TRPV5: variants seen among roughly 807,000 people sequenced by gnomAD.
The protein encoded by TRPV5 is transient receptor potential cation channel subfamily V member 5.
In TRPV5, 66 loss-of-function variants were observed where a neutral mutation model predicts 74.1. The ratio of observed to expected loss-of-function variants is 0.89; its 90% CI spans 0.73 to 1.09. TRPV5 has a LOEUF of 1.09. Among genes scored for constraint, TRPV5 ranks in the 50% least tolerant of loss-of-function variants. The probability of loss-of-function intolerance (pLI) is 0.00; values close to 1 mark genes in which losing one functional copy is unlikely to be tolerated. For missense variants in TRPV5, 936 were observed against 930.4 expected (o/e 1.01, Z -0.08); for synonymous variants, 399 against 360.7 (o/e 1.11, Z -1.20).
chr7:142,922,753 A>T (rs1795906370), intron 8 of TRPV5, among the ~76,000 whole-genome samples: 1 of 152,220 alleles, frequency 6.6e-6, no homozygotes, highest in Non-Finnish European at 1.5e-5. Context: ...TGGAAACCTA[A>T]GAGAACTAGT....
intron 2 of TRPV5, 32 bp downstream of exon 2, chr7:142,930,317 C>T: frequency 1.9e-6 from 3 of 1,610,340 alleles, no homozygotes; most frequent in Middle Eastern, 3.3e-4. Context: ...TTCTTCTGCC[C>T]CCACCTCCAT....
Position 142,928,806 on chromosome 7 carries a change from T to C in TRPV5, c.647A>G (p.Tyr216Cys), listed in dbSNP as rs765210813. The C allele has an allele frequency of 1.2e-6, 2 of 1,614,170 alleles. No homozygotes were observed. Among genetic ancestry groups the C allele is most frequent in the Non-Finnish European group, 1.7e-6 (2 of 1,180,006 alleles). The change falls in exon 6 of 15, where the codon TAC becomes TGC. Residue 216 changes from tyrosine to cysteine, a missense_variant. Tyr to Cys is a radical substitution (Grantham distance 194). Coordinates refer to ENST00000265310, the MANE Select transcript of TRPV5 (RefSeq NM_019841.7). ...TCCATCATAGGACAGCAGCAGGTTG[T>C]ACATCTGGCAGGCAAAGGTTTTGTT... ...QPNKTFACQM[Y>C]NLLLSYDGHG...
chr7:142,929,369 T>C, intron 4 of TRPV5, 59 bp downstream of exon 4: 1 of 1,589,604 alleles, frequency 6.3e-7, no homozygotes, highest in Non-Finnish European at 8.6e-7. Context: ...TGCCCTGGCC[T>C]CCCTCTGCCT....
intron 8 of TRPV5, among the ~76,000 whole-genome samples, chr7:142,918,807 G>A (rs1200687478): frequency 1.3e-5 from 2 of 152,184 alleles, no homozygotes; most frequent in Non-Finnish European, 2.9e-5. Flanking sequence ...TATCAGATCT[G>A]CCACTTGATT....
At chr7:142,925,865 C>T (rs149896145) in intron 7 of TRPV5, 124 bp from the exon 8 acceptor site, 74 of 810,712 alleles carry the variant, frequency 9.1e-5, no homozygotes, top group African/African-American at 7.0e-4. Flanking sequence ...ACTTATTTGA[C>T]GGACAAATAG....
intron 13 of TRPV5, among the ~76,000 whole-genome samples, chr7:142,910,483 A>T (rs1375576319): frequency 3.3e-5 from 5 of 152,198 alleles, no homozygotes; most frequent in African/African-American, 1.2e-4. Flanking sequence ...CATACTGGGG[A>T]CTATTCTAGT....
chr7:142,933,201 G>C, intron 1 of TRPV5, 131 bp downstream of exon 1: 1 of 1,257,694 alleles, frequency 8.0e-7, no homozygotes, highest in East Asian at 2.4e-5. Flanking sequence ...GGGCTGGAAG[G>C]AAAGGGTATG....
chr7:142,912,126 AG>A (rs1349505490), intron 13 of TRPV5, among the ~76,000 whole-genome samples: 1 of 152,246 alleles, frequency 6.6e-6, no homozygotes, highest in Non-Finnish European at 1.5e-5. Flanking sequence ...TATAAAGAAA[AG>A]ATCATAGAGA....
chr7:142,916,648 G>C (rs2116583058), intron 8 of TRPV5, among the ~76,000 whole-genome samples: 1 of 152,332 alleles, frequency 6.6e-6, no homozygotes, highest in Admixed American at 6.5e-5. Flanking sequence ...CAGGAAAGCT[G>C]ATGATTTGAG....
Position 142,930,185 on chromosome 7 carries a change from A to G in TRPV5, c.227-5T>C, listed in dbSNP as rs534619891. ...GCGCCGTCTCCCCCAGGGCTCCTGG[A>G]TTGGAGTAAGACAGAGATGTTAGAC... On this transcript the variant is annotated splice_polypyrimidine_tract_variant and splice_region_variant and intron_variant, in intron 2 of 14. Coordinates refer to ENST00000265310, the MANE Select transcript of TRPV5 (RefSeq NM_019841.7). 6.8e-6 allele frequency: 11 copies of G among 1,611,916 alleles called. No individual in the cohort carries two copies. The highest frequency in any genetic ancestry group is 6.6e-5 in the South Asian group (6 of 90,704).
intron 7 of TRPV5, 71 bp from the exon 8 acceptor site, chr7:142,925,812 G>A (rs1236901486): frequency 3.7e-5 from 49 of 1,342,446 alleles, no homozygotes; most frequent in Non-Finnish European, 4.9e-5. Context: ...CTGGGGGCCA[G>A]AAGAGGCAGG....
At position 142,928,108 on chromosome 7, in the gene TRPV5, C is replaced by T. The variant is rs1242860874; in HGVS notation, c.889G>A (p.Val297Ile). ...CATACCTCTCGTTTATCAGAGGAGA[C>T]CACAAGCTCCAGGAAGGACAGCTCC... The part of the protein sequence containing the change: ...GEELSFLELV[V>I]SSDKREARQI... The change falls in exon 7 of 15, where the codon GTC (valine) becomes ATC (isoleucine). Residue 297 changes from valine (V) to isoleucine (I), a missense_variant. Transcript: ENST00000265310. 1.9e-6 allele frequency: 3 copies of T among 1,614,040 alleles called. No individual in the cohort carries two copies. Among genetic ancestry groups the T allele is most frequent in the East Asian group, 4.5e-5 (2 of 44,880 alleles).
Position 142,914,976 on chromosome 7 carries a change from G to A in TRPV5, c.1357C>T (p.Pro453Ser), listed in dbSNP as rs753756011. Residue 453 changes from proline to serine, a missense_variant, in exon 11 of 15, where the codon CCC becomes TCC. Coordinates refer to ENST00000265310, the MANE Select transcript of TRPV5 (RefSeq NM_019841.7). The stretch of plus-strand genomic sequence containing the variant: ...CCCAGCACCAGGGCAAAGGACATGG[G>A]CACCACCTCCCCATTGGTGTTGGTG... ...RLTNTNGEVV[P>S]MSFALVLGWC... 77 of 1,614,002 alleles carry A rather than the reference G, an allele frequency of 4.8e-5. No individual in the cohort carries two copies. The highest frequency in any genetic ancestry group is 6.4e-5 in the Non-Finnish European group (75 of 1,180,026).
chr7:142,912,070 C>A (rs1795710155), intron 13 of TRPV5, among the ~76,000 whole-genome samples: 1 of 152,122 alleles, frequency 6.6e-6, no homozygotes, highest in Non-Finnish European at 1.5e-5. Flanking sequence ...AACTTGAGGG[C>A]CATTGAGGGT....
At position 142,915,093 on chromosome 7, in the gene TRPV5, T is replaced by C. The variant is rs779074081; in HGVS notation, c.1287-47A>G. ...AGTGAGAGACAAGCTGGAACTATTT[T>C]AGGTCCCTACAGCATAGTGGTGACC... On this transcript the variant is annotated intron_variant, in intron 10 of 14. Transcript: ENST00000265310. 1.1e-5 allele frequency: 17 copies of C among 1,601,070 alleles called. No homozygotes were observed. In the Admixed American group the frequency reaches 2.9e-4, roughly 27 times the overall value.
In TRPV5 at chr7:142,908,577, C is replaced by T. The variant is rs763247785; in HGVS notation, c.2127G>A (p.Leu709=). 1 of 1,614,234 alleles carries T rather than the reference C, an allele frequency of 6.2e-7. No homozygotes were observed. Among genetic ancestry groups the T allele is most frequent in the South Asian group, 1.1e-5 (1 of 91,088 alleles). Residue 709 remains leucine, a synonymous_variant, in exon 15 of 15, where the codon CTG becomes CTA. Coordinates refer to ENST00000265310, the MANE Select transcript of TRPV5 (RefSeq NM_019841.7). The part of the protein sequence containing the change: ...RGWEILRQNT[L]GHLNLGLNLS... ...GGTTCAGTCCAAGATTCAAGTGCCC[C>T]AGGGTGTTTTGACGAAGGATCTCCC...
chr7:142,919,929 ACT>A (rs1795858337), intron 8 of TRPV5, among the ~76,000 whole-genome samples: 1 of 152,156 alleles, frequency 6.6e-6, no homozygotes. Context: ...ATGATCCCAG[ACT>A]TGCAAAGGAA....
At chr7:142,924,648 C>T (rs1795954157) in intron 8 of TRPV5, 1 of 152,010 alleles carries the variant, frequency 6.6e-6, no homozygotes. Flanking sequence ...GATAAATCTC[C>T]AATCACTCAG....
At chr7:142,930,008 C>A (rs925766117) in intron 3 of TRPV5, 50 bp downstream of exon 3, 1 of 1,613,140 alleles carries the variant, frequency 6.2e-7, no homozygotes, top group Non-Finnish European at 8.5e-7. Context: ...GACAACAGCA[C>A]ACCCTCCATC....
Sources: allele counts gnomAD v4.1 joint callset (sites outside exome capture counted in the v4.1 genomes callset), GRCh38; gene constraint gnomAD v4.1.1; transcripts MANE v1.5; gene names NCBI Gene and HGNC (gene_info 2026-07-23, HGNC 2026-07-21).